The following SUN1 variants were observed in gnomAD, a reference collection of about 807,000 sequenced individuals.
The protein encoded by SUN1 is Sad1 and UNC84 domain containing 1.
SUN1 carries 61 observed loss-of-function variants against 103.2 expected under a neutral mutation model. That is an observed-to-expected ratio of 0.59 (90% confidence interval 0.48 to 0.73). The LOEUF is 0.73. Among genes scored for constraint, SUN1 ranks in the 30% least tolerant of loss-of-function variants. SUN1 has a pLI of 0.00. For synonymous variants in SUN1, 490 were observed against 425.7 expected (o/e 1.15, Z -1.86); for missense variants, 1,052 against 1,034.6 (o/e 1.02, Z -0.23).
intron 1 of SUN1, chr7:817,382 C>T (rs956904002): frequency 5.9e-6 from 9 of 1,530,198 alleles, no homozygotes; most frequent in African/African-American, 1.4e-5. Flanking sequence ...CGCCCTGTTG[C>T]GCCTTCAAAG....
chr7:839,416 G>T (rs962052108), intron 2 of SUN1, among the ~76,000 whole-genome samples: 11 of 152,198 alleles, frequency 7.2e-5, no homozygotes, highest in African/African-American at 2.7e-4. Context: ...ACGGAGTCTC[G>T]CTCTGTCGCC....
At chr7:844,893 A>G (rs1813827136) in intron 5 of SUN1, among the ~76,000 whole-genome samples, 1 of 152,156 alleles carries the variant, frequency 6.6e-6, no homozygotes, top group African/African-American at 2.4e-5. Context: ...CTCCATGAGC[A>G]CTTGGCACCC....
chr7:844,234 G>A (rs923395213), intron 5 of SUN1, among the ~76,000 whole-genome samples: 1 of 152,196 alleles, frequency 6.6e-6, no homozygotes. Flanking sequence ...ATGACTGCCT[G>A]GCCCAGGATC....
intron 16 of SUN1, among the ~76,000 whole-genome samples, chr7:867,617 G>A (rs1338583130): frequency 6.6e-6 from 1 of 152,226 alleles, no homozygotes; most frequent in Non-Finnish European, 1.5e-5. Context: ...AGAAGGAAGT[G>A]CACGGTCACT....
intron 5 of SUN1, among the ~76,000 whole-genome samples, chr7:848,824 G>A (rs1308666048): frequency 6.6e-6 from 1 of 152,180 alleles, no homozygotes; most frequent in African/African-American, 2.4e-5. Context: ...TTCCCTCAGA[G>A]CTGATCAGTG....
upstream of SUN1, among the ~76,000 whole-genome samples, chr7:828,376 G>A (rs143049210): frequency 0.011 from 1,635 of 150,250 alleles, 16 homozygotes; most frequent in South Asian, 0.023. Context: ...GGTTCAATCA[G>A]TTCTCCTGCC....
intron 3 of SUN1, chr7:842,810 G>A (rs74771883): frequency 7.3e-5 from 22 of 300,284 alleles, no homozygotes; most frequent in Non-Finnish European, 1.3e-4. Flanking sequence ...GGGAAGCCTT[G>A]GTATTGGTGT....
intron 17 of SUN1, among the ~76,000 whole-genome samples, chr7:870,166 C>T (rs959646624): frequency 6.8e-6 from 1 of 146,820 alleles, no homozygotes; most frequent in Admixed American, 6.8e-5. Flanking sequence ...GATCCTGCCA[C>T]TGCACTCCAG....
intron 5 of SUN1, chr7:850,221 C>T (rs34398649): frequency 0.24 from 146,765 of 602,348 alleles, 19,565 homozygotes; most frequent in South Asian, 0.31. Flanking sequence ...TTTTTGGAAG[C>T]GGAGTCTCAC....
At position 857,853 on chromosome 7, in the gene SUN1, A is replaced by G. The variant is rs781596220; in HGVS notation, c.1420A>G (p.Thr474Ala). 1 of 1,591,984 alleles carries G rather than the reference A, an allele frequency of 6.3e-7. No homozygotes were observed. Among genetic ancestry groups the G allele is most frequent in the Non-Finnish European group, 8.6e-7 (1 of 1,164,548 alleles). The change falls in exon 13 of 19, where the codon ACA becomes GCA. Residue 474 changes from threonine to alanine, a missense_variant. By Grantham distance (58) the Thr-to-Ala change is moderately conservative. Around this residue, in one of 2 missense-constraint regions of SUN1, gnomAD observed 846 missense variants for 774.5 expected, o/e 1.09. Transcript: ENST00000401592. ...TGCGGTTGGTGAGCAGCTCCTGCCCACAGTCGAGCACCTCCAGCTGGAGCT... is the reference window on the plus strand; with the variant it reads ...TGCGGTTGGTGAGCAGCTCCTGCCCGCAGTCGAGCACCTCCAGCTGGAGCT... The part of the protein sequence containing the change: ...ISAVGEQLLP[T>A]VEHLQLELDQ...
At chr7:828,990 C>G (rs1321269918), upstream of SUN1, among the ~76,000 whole-genome samples, 1 of 152,214 alleles carries the variant, frequency 6.6e-6, no homozygotes, top group Non-Finnish European at 1.5e-5. Flanking sequence ...GACACACACT[C>G]GTGTGGAACA....
intron 5 of SUN1, chr7:848,756 T>A: frequency 2.2e-6 from 1 of 463,256 alleles, no homozygotes; most frequent in Non-Finnish European, 3.5e-6. Flanking sequence ...CTTCCCCCTC[T>A]GGATCTTGCA....
chr7:859,500 G>A (rs1332215457), intron 13 of SUN1, among the ~76,000 whole-genome samples: 1 of 152,208 alleles, frequency 6.6e-6, no homozygotes, highest in African/African-American at 2.4e-5. Flanking sequence ...TGTGTGGGGA[G>A]GAGTGAGGGT....
intron 1 of SUN1, chr7:817,350 G>T (rs1235160611): frequency 2.7e-5 from 39 of 1,456,980 alleles, no homozygotes; most frequent in Middle Eastern, 4.6e-4. Flanking sequence ...CAGCCTGCCT[G>T]GAGGCGCGCG....
chr7:860,398 G>A lies in SUN1; in HGVS notation c.1779+16G>A, dbSNP rs4276575. ...AACAGAGGCGGTGAGTCGGCGAGTC[G>A]GCGGCAAGAGATGCTTACAGTCCAT... On this transcript the variant is annotated intron_variant, in intron 14 of 18. Transcript: ENST00000401592. 238,284 of 1,608,848 alleles carry A rather than the reference G, an allele frequency of 0.15. 19,320 individuals carry two copies. Among genetic ancestry groups the A allele is most frequent in the Admixed American group, 0.21 (12,375 of 59,938 alleles).
At chr7:839,081 G>A (rs757201506) in intron 2 of SUN1, 95 bp downstream of exon 2, 26 of 1,297,836 alleles carry the variant, frequency 2.0e-5, no homozygotes, top group South Asian at 1.4e-4. Context: ...ACCCTGTCTC[G>A]AGCTTAAGGA....
In SUN1 at chr7:842,117, G is replaced by T. The variant is rs1810614822; in HGVS notation, c.438G>T (p.Val146=). Residue 146 remains valine, a synonymous_variant, in exon 3 of 19, where the codon GTG becomes GTT. Coordinates refer to ENST00000401592, the MANE Select transcript of SUN1 (RefSeq NM_001130965.3). ...DESWIREQTT[V]DHFWGLDDDG... is the part of the protein sequence containing the mutation. ...CTTGGATTCGTGAACAGACCACAGT[G>T]GACCACTTCTGGGGTGAGTCCCTGC... 2 of 1,613,630 alleles carry T rather than the reference G, an allele frequency of 1.2e-6. No individual in the cohort carries two copies. The highest frequency in any genetic ancestry group is 2.7e-5 in the African/African-American group (2 of 74,924).
At position 848,570 on chromosome 7, in the gene SUN1, G is replaced by C. The variant is rs1190065242; in HGVS notation, c.659-2814G>C. 6 of 1,353,090 alleles carry C rather than the reference G, an allele frequency of 4.4e-6. No individual in the cohort carries two copies. In the African/African-American group the frequency reaches 6.0e-5, roughly 13 times the overall value. The allele number at this position is 1,353,090 out of a possible 1,614,324, so 83.8% of individuals were successfully genotyped here. On this transcript the variant is annotated intron_variant, in intron 5 of 18. Transcript: ENST00000401592. ...CAAATTGAAAACTCATGAATCAAAA[G>C]ATTGTGAATCCGAAAGCTATAAGTC...
intron 3 of SUN1, among the ~76,000 whole-genome samples, chr7:842,725 G>T (rs552358967): frequency 6.6e-6 from 1 of 152,368 alleles, no homozygotes; most frequent in African/African-American, 2.4e-5. Flanking sequence ...TCTGCATTCG[G>T]TTTATGTTCT....
Sources: allele counts gnomAD v4.1 joint callset (sites outside exome capture counted in the v4.1 genomes callset), GRCh38; gene constraint gnomAD v4.1.1; regional missense constraint gnomAD v4.1.1; transcripts MANE v1.5; gene names NCBI Gene and HGNC (gene_info 2026-07-23, HGNC 2026-07-21).